DGKA: variants seen among roughly 807,000 people sequenced by gnomAD.
DGKA encodes diacylglycerol kinase alpha, also known as 80 kDa diacylglycerol kinase.
Under a neutral mutation model 105.0 loss-of-function variants are expected in DGKA, and 35 were observed. That is an observed-to-expected ratio of 0.33 (90% CI 0.25 to 0.44). The LOEUF is 0.44. DGKA is among the 20% of genes least tolerant of loss of function. The probability of loss-of-function intolerance (pLI) is 1.00; values close to 1 mark genes in which losing one functional copy is unlikely to be tolerated. For missense variants in DGKA, 665 were observed against 915.0 expected (o/e 0.73, Z 3.53); for synonymous variants, 296 against 332.0 (o/e 0.89, Z 1.18).
At chr12:55,942,308 G>A in intron 17 of DGKA, 45 bp downstream of exon 17, 1 of 1,587,266 alleles carries the variant, frequency 6.3e-7, no homozygotes, top group Non-Finnish European at 8.7e-7. Context: ...GAGGAGTTGT[G>A]TAGGAAGGGA....
Position 55,951,796 on chromosome 12 carries a change from G to T in DGKA, c.1587+13G>T, listed in dbSNP as rs775269008. On this transcript the variant is annotated intron_variant, in intron 18 of 23. Coordinates refer to ENST00000331886, the MANE Select transcript of DGKA (RefSeq NM_001345.5). ...CTCTATTGGCGTGGTCAGTGGAATG[G>T]GGCCTGGGGAGAAGGGAGAAAGGGG... 6.2e-7 allele frequency: 1 copy of T among 1,611,186 alleles called. No homozygotes were observed. The highest frequency in any genetic ancestry group is 8.5e-7 in the Non-Finnish European group (1 of 1,178,406).
chr12:55,948,316 G>A (rs1022744371), intron 17 of DGKA, among the ~76,000 whole-genome samples: 24 of 151,542 alleles, frequency 1.6e-4, no homozygotes, highest in Admixed American at 2.6e-4. Context: ...AGGAGTAATC[G>A]CTTGAACCCA....
At chr12:55,935,753 C>T (rs73123204) in intron 1 of DGKA, 117,442 of 441,860 alleles carry the variant, frequency 0.27, 17,423 homozygotes, top group South Asian at 0.39. Flanking sequence ...GTTCCCCACC[C>T]TTCCCTAGTG....
Position 55,953,104 on chromosome 12 carries a change from T to C in DGKA, c.2007T>C (p.Tyr669=). 1 of 1,614,150 alleles carries C rather than the reference T, an allele frequency of 6.2e-7. No individual in the cohort carries two copies. The highest frequency in any genetic ancestry group is 8.5e-7 in the Non-Finnish European group (1 of 1,180,038). Reference sequence around the variant, plus strand: ...GTGCAATTGAGATGGGCCAAATCTATACCAAGCTCAAGAATGCTGGACGTC... The same window carrying C: ...GTGCAATTGAGATGGGCCAAATCTACACCAAGCTCAAGAATGCTGGACGTC... The part of the protein sequence containing the change: ...LEGAIEMGQI[Y]TKLKNAGRRL... Residue 669 remains tyrosine, a synonymous_variant, in exon 22 of 24, where the codon TAT becomes TAC. Transcript: ENST00000331886.
At chr12:55,949,215 T>G (rs1387091712) in intron 17 of DGKA, among the ~76,000 whole-genome samples, 1 of 151,852 alleles carries the variant, frequency 6.6e-6, no homozygotes, top group African/African-American at 2.4e-5. Context: ...TTTTTTTTTT[T>G]GAGACGGAGT....
upstream of DGKA, chr12:55,927,906 C>G (rs569965084): frequency 7.3e-6 from 8 of 1,097,236 alleles, no homozygotes; most frequent in Non-Finnish European, 1.0e-5. Context: ...CCTCCTCGGG[C>G]TGGGCCCTAG....
At chr12:55,936,104 A>C in intron 1 of DGKA, 3 of 895,668 alleles carry the variant, frequency 3.3e-6, no homozygotes, top group Non-Finnish European at 4.1e-6. Context: ...AGAAACATAT[A>C]TAGACTGAGA....
At chr12:55,941,168 A>G (rs1267506937) in intron 13 of DGKA, 84 bp from the exon 14 acceptor site, 5 of 1,436,598 alleles carry the variant, frequency 3.5e-6, no homozygotes, top group Middle Eastern at 1.8e-4. Context: ...GTGGAATGCT[A>G]GCCCTCTGCC....
chr12:55,951,950 G>GAGC (rs1201151691), intron 18 of DGKA, 85 bp from the exon 19 acceptor site: 1 of 1,530,212 alleles, frequency 6.5e-7, no homozygotes, highest in Non-Finnish European at 9.0e-7. Context: ...ATGCTGTGGG[G>GAGC]AGCAGCATGG....
Position 55,940,223 on chromosome 12 carries a change from C to T in DGKA, c.798+53C>T, listed in dbSNP as rs1885613157. 1.1e-5 allele frequency: 17 copies of T among 1,614,040 alleles called. No homozygotes were observed. The highest frequency in any genetic ancestry group is 1.4e-5 in the Non-Finnish European group (17 of 1,179,866). On this transcript the variant is annotated intron_variant, in intron 10 of 23. Transcript: ENST00000331886. The surrounding 1 kb of genome is among the most constrained non-coding windows in gnomAD (Gnocchi z 4.3). ...ACATCACCTACATCCTGGCCCTGGC[C>T]CTGGCCCTTGGCCCATTGCTGCCCT...
At chr12:55,928,610 G>A (rs767350327), upstream of DGKA, among the ~76,000 whole-genome samples, 1 of 147,216 alleles carries the variant, frequency 6.8e-6, no homozygotes, top group African/African-American at 2.5e-5. Flanking sequence ...CTGGGAGGCG[G>A]AGGTTGCAGT....
Position 55,932,285 on chromosome 12 carries a change from G to T in DGKA, c.-82+941G>T. On this transcript the variant is annotated intron_variant, in intron 1 of 23. Transcript: ENST00000331886. The surrounding 1 kb of genome is among the most constrained non-coding windows in gnomAD (Gnocchi z 4.3). ...CGAGAAGGGTCTGCGCTGGGACGCG[G>T]GGGTGCAGCGGGAGGGCTGGGCCCG... is the stretch of plus-strand genomic sequence containing the variant. 1 of 527,344 alleles carries T rather than the reference G, an allele frequency of 1.9e-6. No homozygotes were observed. Among genetic ancestry groups the T allele is most frequent in the Non-Finnish European group, 3.4e-6 (1 of 290,860 alleles). The allele number at this position is 527,344 out of a possible 1,614,324, so 32.7% of individuals were successfully genotyped here.
At chr12:55,936,649 C>T (rs756594435) in intron 2 of DGKA, 82 bp downstream of exon 2, 1 of 1,585,952 alleles carries the variant, frequency 6.3e-7, no homozygotes, top group East Asian at 2.2e-5. Context: ...CCCCTGCCCC[C>T]CAGCTTCCTC....
At position 55,952,549 on chromosome 12, in the gene DGKA, C is replaced by T. The variant is rs1244545366; in HGVS notation, c.1743+118C>T. On this transcript the variant is annotated intron_variant, in intron 20 of 23. Transcript: ENST00000331886. This position sits in a 1 kb window ranked among gnomAD's most constrained non-coding sequence, Gnocchi z 5.1. ...TTGAACCTATGCTTCTTTAACCTCC[C>T]AGCTCTCCTACCCCAATTCTCCAAG... 1 of 1,223,002 alleles carries T rather than the reference C, an allele frequency of 8.2e-7. No homozygotes were observed. Among genetic ancestry groups the T allele is most frequent in the Non-Finnish European group, 1.2e-6 (1 of 838,924 alleles). 75.8% of individuals were successfully genotyped at this position (1,223,002 alleles called of 1,614,324 possible).
At position 55,953,420 on chromosome 12, in the gene DGKA, G is replaced by T; in HGVS notation, c.2124+10G>T. 1.2e-6 allele frequency: 2 copies of T among 1,613,868 alleles called. 1 individual carries two copies. Among genetic ancestry groups the T allele is most frequent in the South Asian group, 2.2e-5 (2 of 91,058 alleles). ...GCAGACGCCCTGTACAGTGAGTATT[G>T]ACGATCCCAGCCAAAAATTAAACCC... On this transcript the variant is annotated intron_variant, in intron 23 of 23. Transcript: ENST00000331886.
chr12:55,931,069 A>C (rs1883572012), upstream of DGKA: 1 of 152,126 alleles, frequency 6.6e-6, no homozygotes, highest in South Asian at 2.1e-4. Flanking sequence ...CAGGAACCTA[A>C]GGCTTTGTTA....
At position 55,947,935 on chromosome 12, in the gene DGKA, A is replaced by G. The variant is rs146638604; in HGVS notation, c.1427-3688A>G. 4.6e-3 allele frequency among the ~76,000 whole-genome samples: 707 copies of G among 152,108 alleles called. 7 individuals carry two copies. Among genetic ancestry groups the G allele is most frequent in the African/African-American group, 0.014 (598 of 41,518 alleles). On this transcript the variant is annotated intron_variant, in intron 17 of 23. Coordinates refer to ENST00000331886, the MANE Select transcript of DGKA (RefSeq NM_001345.5). ...CTCCCAAGTAGCTGGGACTAAAGGCACGCGCCACCACGCCTGGCTAATTTT... is the reference window on the plus strand; with the variant it reads ...CTCCCAAGTAGCTGGGACTAAAGGCGCGCGCCACCACGCCTGGCTAATTTT...
At chr12:55,941,889 A>T in intron 15 of DGKA, 109 bp from the exon 16 acceptor site, 1 of 1,164,576 alleles carries the variant, frequency 8.6e-7, no homozygotes, top group Non-Finnish European at 1.3e-6. Flanking sequence ...TTTGACAAAA[A>T]GGAGGAGGGT....
intron 15 of DGKA, 140 bp from the exon 16 acceptor site, chr12:55,941,858 C>T: frequency 1.1e-6 from 1 of 929,106 alleles, no homozygotes; most frequent in Middle Eastern, 3.0e-4. Flanking sequence ...TTTTCTGTGA[C>T]CTTCATAGAA....
Sources: allele counts gnomAD v4.1 joint callset (sites outside exome capture counted in the v4.1 genomes callset), GRCh38; gene constraint gnomAD v4.1.1; non-coding constraint Gnocchi (gnomAD v3.1); transcripts MANE v1.5; gene names NCBI Gene and HGNC (gene_info 2026-07-23, HGNC 2026-07-21).